The following ARHGAP24 variants were observed in gnomAD, a reference collection of about 807,000 sequenced individuals.
The protein encoded by ARHGAP24 is Rho GTPase activating protein 24.
In ARHGAP24, 50 loss-of-function variants were observed where a neutral mutation model predicts 76.4. That is an observed-to-expected ratio of 0.65 (90% CI 0.52 to 0.83). The LOEUF (loss-of-function observed/expected upper bound fraction) is 0.83. Ranked by LOEUF, ARHGAP24 falls within the 40% of genes least tolerant of loss-of-function variation. The pLI is 0.00. For missense variants in ARHGAP24, 930 were observed against 914.2 expected, an observed-to-expected ratio of 1.02 and a Z score of -0.22; for synonymous variants, 345 against 323.3, an observed-to-expected ratio of 1.07 and a Z score of -0.72.
intron 3 of ARHGAP24, among the ~76,000 whole-genome samples, chr4:85,746,678 T>A (rs1726053205): frequency 6.6e-6 from 1 of 151,996 alleles, no homozygotes; most frequent in Admixed American, 6.6e-5. Flanking sequence ...TTAGATGGAG[T>A]CTCACACTGT....
At chr4:85,484,557 C>A (rs1722943745) in intron 1 of ARHGAP24, among the ~76,000 whole-genome samples, 2 of 152,028 alleles carry the variant, frequency 1.3e-5, no homozygotes, top group African/African-American at 4.8e-5. Flanking sequence ...CTTAAAAGGG[C>A]AAGCAGATGA....
At chr4:85,662,744 A>G (rs1343869007) in intron 2 of ARHGAP24, among the ~76,000 whole-genome samples, 1 of 152,202 alleles carries the variant, frequency 6.6e-6, no homozygotes, top group African/African-American at 2.4e-5. Flanking sequence ...ATGGCCAGCC[A>G]GTTTTCCCAG....
chr4:85,998,400 T>C (rs1186845562), intron 9 of ARHGAP24, among the ~76,000 whole-genome samples: 1 of 152,166 alleles, frequency 6.6e-6, no homozygotes, highest in Non-Finnish European at 1.5e-5. Context: ...CCTACCATCT[T>C]CCTTTGATTA....
chr4:85,709,541 T>C (rs1192564914), intron 2 of ARHGAP24, among the ~76,000 whole-genome samples: 2 of 152,140 alleles, frequency 1.3e-5, no homozygotes, highest in Non-Finnish European at 2.9e-5. Flanking sequence ...TGATGACATA[T>C]TAAAAGCATC....
At chr4:85,812,000 AC>A (rs1336904186) in intron 3 of ARHGAP24, among the ~76,000 whole-genome samples, 50 of 152,046 alleles carry the variant, frequency 3.3e-4, no homozygotes, top group Non-Finnish European at 2.9e-5. Flanking sequence ...ATATGGTGAA[AC>A]CCCGTCTCTA....
At chr4:85,761,298 A>G (rs1245516619) in intron 3 of ARHGAP24, among the ~76,000 whole-genome samples, 1 of 152,202 alleles carries the variant, frequency 6.6e-6, no homozygotes, top group Admixed American at 6.6e-5. Context: ...TTCTAGAGAT[A>G]GTTCTCCAGG....
At chr4:85,522,178 A>T (rs1201349119) in intron 1 of ARHGAP24, among the ~76,000 whole-genome samples, 1 of 152,182 alleles carries the variant, frequency 6.6e-6, no homozygotes, top group East Asian at 1.9e-4. Flanking sequence ...TTCAGTGTAG[A>T]TAAGCCTGGA....
chr4:85,632,477 A>G (rs2110013437), intron 2 of ARHGAP24, among the ~76,000 whole-genome samples: 1 of 152,174 alleles, frequency 6.6e-6, no homozygotes, highest in Non-Finnish European at 1.5e-5. Context: ...GCAAGGCCTC[A>G]GAACCCCATT....
At chr4:85,703,913 C>T (rs1724199206) in intron 2 of ARHGAP24, among the ~76,000 whole-genome samples, 1 of 152,122 alleles carries the variant, frequency 6.6e-6, no homozygotes, top group Non-Finnish European at 1.5e-5. Context: ...AAAAAATCCC[C>T]AATGCCCCTT....
At position 85,986,329 on chromosome 4, in the gene ARHGAP24, A is replaced by G. The variant is rs544836112; in HGVS notation, c.929-8254A>G. ...TTAAAATACTAACAAATAATATTGC[A>G]TTCTGCTTCCCATCATGATGAAGGA... On this transcript the variant is annotated intron_variant, in intron 8 of 9. Coordinates refer to ENST00000395184, the MANE Select transcript of ARHGAP24 (RefSeq NM_001025616.3). Among the ~76,000 whole-genome samples the G allele has an allele frequency of 1.0e-3, 153 of 152,290 alleles. 7 individuals carry two copies. In the South Asian group the frequency reaches 0.031, roughly 31 times the overall value.
At chr4:85,515,432 T>C (rs1486120526) in intron 1 of ARHGAP24, among the ~76,000 whole-genome samples, 1 of 150,906 alleles carries the variant, frequency 6.6e-6, no homozygotes, top group Non-Finnish European at 1.5e-5. Context: ...ACCCACTCTA[T>C]ACAGGTAATC....
At position 85,977,782 on chromosome 4, in the gene ARHGAP24, G is replaced by A. The variant is rs1739428322; in HGVS notation, c.928+91G>A. On this transcript the variant is annotated intron_variant, in intron 8 of 9. Coordinates refer to ENST00000395184, the MANE Select transcript of ARHGAP24 (RefSeq NM_001025616.3). ...TCTACTCATCTCTGAGCAAACCAAG[G>A]TAATAAGTGAATACATGGCAACTCC... 7 of 1,480,484 alleles carry A rather than the reference G, an allele frequency of 4.7e-6. No individual in the cohort carries two copies. In the South Asian group the frequency reaches 8.0e-5, roughly 17 times the overall value. The allele number at this position is 1,480,484 out of a possible 1,614,324, so 91.7% of individuals were successfully genotyped here.
chr4:85,672,836 A>G (rs1434075218), intron 2 of ARHGAP24, among the ~76,000 whole-genome samples: 2 of 152,162 alleles, frequency 1.3e-5, no homozygotes, highest in African/African-American at 4.8e-5. Flanking sequence ...TTCTTTTTGT[A>G]ATTAATTATC....
At chr4:85,606,163 T>G (rs1239182304) in intron 2 of ARHGAP24, among the ~76,000 whole-genome samples, 1 of 152,194 alleles carries the variant, frequency 6.6e-6, no homozygotes, top group Admixed American at 6.5e-5. Flanking sequence ...TGAAATATCT[T>G]CAGTCTTTGG....
chr4:85,930,847 A>G lies in ARHGAP24; in HGVS notation c.391+7077A>G, dbSNP rs151266251. ...GCACTTCAAAAATAACAAGTAAACA[A>G]GCATGAGGAGTGGCTGTTGGGTTTC... On this transcript the variant is annotated intron_variant, in intron 4 of 9. Transcript: ENST00000395184. The G allele has an allele frequency of 2.6e-5, 42 of 1,603,298 alleles. No homozygotes were observed. In the African/African-American group the frequency reaches 5.1e-4, roughly 19 times the overall value.
chr4:85,639,012 T>C lies in ARHGAP24; in HGVS notation c.180+68291T>C, dbSNP rs534297860. Reference sequence around the variant, plus strand: ...TGGGCATGGAGCTGACGAATGGAGGTAGAATACATTTTACATAGTTGCTGC... The same window carrying C: ...TGGGCATGGAGCTGACGAATGGAGGCAGAATACATTTTACATAGTTGCTGC... On this transcript the variant is annotated intron_variant, in intron 2 of 9. Transcript: ENST00000395184. Among the ~76,000 whole-genome samples the C allele has an allele frequency of 2.0e-5, 3 of 152,104 alleles. No homozygotes were observed. The South Asian group carries it at 6.2e-4, about 31-fold the overall frequency.
At chr4:85,712,619 C>G (rs1724569998) in intron 2 of ARHGAP24, among the ~76,000 whole-genome samples, 1 of 152,118 alleles carries the variant, frequency 6.6e-6, no homozygotes, top group Non-Finnish European at 1.5e-5. Context: ...CTGTCAGCAA[C>G]CCTTGGCTTG....
chr4:85,625,051 G>GT (rs1176295172), intron 2 of ARHGAP24, among the ~76,000 whole-genome samples: 2 of 152,014 alleles, frequency 1.3e-5, no homozygotes, highest in African/African-American at 2.4e-5. Context: ...TTTTTGAAGG[G>GT]TTTTTTGTGT....
intron 3 of ARHGAP24, among the ~76,000 whole-genome samples, chr4:85,777,836 C>A (rs1418778301): frequency 6.6e-6 from 1 of 152,006 alleles, no homozygotes; most frequent in Admixed American, 6.6e-5. Flanking sequence ...TTATAATAAG[C>A]ACATCACTCT....
Sources: gnomAD v4.1 joint callset for allele counts (sites outside exome capture counted in the v4.1 genomes callset) on GRCh38, gnomAD v4.1.1 for gene constraint, MANE v1.5 for transcripts, NCBI Gene and HGNC (gene_info 2026-07-23, HGNC 2026-07-21) for gene names.